Variants in CDH22 observed in about 807,000 individuals in gnomAD.
CDH22 encodes cadherin-22.
In CDH22, 30 loss-of-function variants were observed where a neutral mutation model predicts 58.4. The observed-to-expected ratio is 0.51, with a 90% confidence interval of 0.38 to 0.70. The LOEUF is 0.70. Among genes scored for constraint, CDH22 ranks in the 30% least tolerant of loss-of-function variants. CDH22 has a pLI of 0.00. For synonymous variants in CDH22, 513 were observed against 558.2 expected, an observed-to-expected ratio of 0.92 and a Z score of 1.14; for missense variants, 1,014 against 1,233.9, an observed-to-expected ratio of 0.82 and a Z score of 2.67.
intron 4 of CDH22, among the ~76,000 whole-genome samples, chr20:46,222,049 G>A (rs2086130503): frequency 6.6e-6 from 1 of 152,216 alleles, no homozygotes; most frequent in South Asian, 2.1e-4. Context: ...CCATGGGCAA[G>A]TTCCTGGGCC....
chr20:46,261,030 G>A (rs1339979475), intron 1 of CDH22, among the ~76,000 whole-genome samples: 1 of 152,126 alleles, frequency 6.6e-6, no homozygotes. Context: ...GGGGACCTAA[G>A]ACCATGAGAT....
chr20:46,211,686 T>C (rs1485056937), intron 6 of CDH22, among the ~76,000 whole-genome samples: 1 of 152,198 alleles, frequency 6.6e-6, no homozygotes, highest in Non-Finnish European at 1.5e-5. Context: ...AGCCTGATTC[T>C]GCTGCTCTGT....
chr20:46,216,839 G>T lies in CDH22; in HGVS notation c.825C>A (p.Pro275=), dbSNP rs751959255. ...IVVTDVNDNP[P]RFPQKMYQFS... ...GGCCTCACTCACTCTGCGGGAAACG[G>T]GGCGGGTTGTCATTGACGTCGGTGA... is the stretch of plus-strand genomic sequence containing the variant. The change falls in exon 5 of 12, where the codon CCC becomes CCA. Residue 275 remains proline, a synonymous_variant. Coordinates refer to ENST00000537909, the MANE Select transcript of CDH22 (RefSeq NM_021248.3). This position sits in a 1 kb window ranked among gnomAD's most constrained non-coding sequence, Gnocchi z 5.3. 5.6e-6 allele frequency: 9 copies of T among 1,599,198 alleles called. No individual in the cohort carries two copies. In the East Asian group the frequency reaches 1.8e-4, roughly 32 times the overall value.
chr20:46,273,634 C>T (rs576191493), intron 1 of CDH22, among the ~76,000 whole-genome samples: 6 of 152,244 alleles, frequency 3.9e-5, no homozygotes, highest in Middle Eastern at 3.4e-3. Flanking sequence ...GTGAGCTGTC[C>T]GGAGAGGCAG....
chr20:46,174,433 G>A lies in CDH22; in HGVS notation c.*73C>T, dbSNP rs2085719216. 8 of 1,081,614 alleles carry A rather than the reference G, an allele frequency of 7.4e-6. No individual in the cohort carries two copies. The South Asian group carries it at 8.9e-5, about 12-fold the overall frequency. The allele number at this position is 1,081,614 out of a possible 1,614,324, so 67.0% of individuals were successfully genotyped here. ...AGGGCAGGAAAGGGGGTCCGCGGGG[G>A]AAACGCGTTGTCCTGGGGCCCCGGC... On this transcript the variant is annotated 3_prime_UTR_variant, in exon 12 of 12. Coordinates refer to ENST00000537909, the MANE Select transcript of CDH22 (RefSeq NM_021248.3). The surrounding 1 kb of genome is among the most constrained non-coding windows in gnomAD (Gnocchi z 4.4).
intron 1 of CDH22, among the ~76,000 whole-genome samples, chr20:46,273,052 G>C (rs941524331): frequency 6.6e-6 from 1 of 152,134 alleles, no homozygotes; most frequent in African/African-American, 2.4e-5. Context: ...TTTAAGGCTG[G>C]GTCATCTCTG....
intron 1 of CDH22, among the ~76,000 whole-genome samples, chr20:46,285,726 G>A (rs1047550599): frequency 6.6e-6 from 1 of 152,182 alleles, no homozygotes; most frequent in South Asian, 2.1e-4. Flanking sequence ...GGACCTCTGA[G>A]GCAAGATTCA....
At chr20:46,194,340 C>T (rs1401758913) in intron 8 of CDH22, among the ~76,000 whole-genome samples, 1 of 152,228 alleles carries the variant, frequency 6.6e-6, no homozygotes, top group East Asian at 1.9e-4. Flanking sequence ...GCACTCTCTG[C>T]TGCTCAGACC....
intron 1 of CDH22, among the ~76,000 whole-genome samples, chr20:46,305,274 G>C (rs1321112836): frequency 6.6e-6 from 1 of 152,210 alleles, no homozygotes; most frequent in East Asian, 1.9e-4. Flanking sequence ...GAAATATCTA[G>C]GCTTTCTCTA....
intron 8 of CDH22, among the ~76,000 whole-genome samples, chr20:46,190,882 C>A (rs1044725243): frequency 6.6e-6 from 1 of 151,998 alleles, no homozygotes; most frequent in African/African-American, 2.4e-5. Context: ...AGACCAAACT[C>A]GGGGCAGGAG....
At chr20:46,227,431 G>T in intron 4 of CDH22, 77 bp downstream of exon 4, 1 of 1,353,410 alleles carries the variant, frequency 7.4e-7, no homozygotes, top group Non-Finnish European at 1.0e-6. Context: ...CAGAGCAGAC[G>T]TCTGGGGTGG....
At chr20:46,211,369 A>G (rs2086042314) in intron 6 of CDH22, among the ~76,000 whole-genome samples, 1 of 152,126 alleles carries the variant, frequency 6.6e-6, no homozygotes. Context: ...GGGTCCCCCC[A>G]TTGCTCTCAG....
rs1295390075 is a variant in CDH22 at position 46,216,962 on chromosome 20, G to A, written c.702C>T (p.Asp234=). The A allele has an allele frequency of 1.2e-6, 2 of 1,603,462 alleles. No individual in the cohort carries two copies. The highest frequency in any genetic ancestry group is 1.7e-6 in the Non-Finnish European group (2 of 1,172,102). ...CCTCGTAGCGCTCCTGGCTCTCGCGGTCAAGGTCAGGCACAGCCGTCCGGA... is the reference window on the plus strand; with the variant it reads ...CCTCGTAGCGCTCCTGGCTCTCGCGATCAAGGTCAGGCACAGCCGTCCGGA... ...GVIRTAVPDL[D]RESQERYEVV... The change falls in exon 5 of 12, where the codon GAC becomes GAT. Residue 234 remains aspartate, a synonymous_variant. Coordinates refer to ENST00000537909, the MANE Select transcript of CDH22 (RefSeq NM_021248.3). This position sits in a 1 kb window ranked among gnomAD's most constrained non-coding sequence, Gnocchi z 5.3.
At chr20:46,268,385 C>T (rs970076096) in intron 1 of CDH22, among the ~76,000 whole-genome samples, 1 of 152,250 alleles carries the variant, frequency 6.6e-6, no homozygotes, top group Non-Finnish European at 1.5e-5. Flanking sequence ...CCCGCAGCTC[C>T]CCGAGGTCCC....
chr20:46,290,146 A>G (rs1042558187), intron 1 of CDH22, among the ~76,000 whole-genome samples: 4 of 152,242 alleles, frequency 2.6e-5, no homozygotes, highest in African/African-American at 9.6e-5. Flanking sequence ...AAAACTGTAC[A>G]AAGTTGAAGG....
chr20:46,280,374 C>T (rs899836178), intron 1 of CDH22, among the ~76,000 whole-genome samples: 3 of 152,076 alleles, frequency 2.0e-5, no homozygotes, highest in Non-Finnish European at 2.9e-5. Flanking sequence ...GAGCTGAGAT[C>T]GCGCCACCGC....
At chr20:46,193,713 C>T (rs1329633608) in intron 8 of CDH22, among the ~76,000 whole-genome samples, 1 of 152,168 alleles carries the variant, frequency 6.6e-6, no homozygotes, top group African/African-American at 2.4e-5. Flanking sequence ...CCTCTCTGTT[C>T]TCAGAATGGC....
At chr20:46,262,627 T>C (rs1319035650) in intron 1 of CDH22, among the ~76,000 whole-genome samples, 1 of 152,194 alleles carries the variant, frequency 6.6e-6, no homozygotes, top group African/African-American at 2.4e-5. Context: ...AATACTGTTA[T>C]TTGCCTCCAT....
chr20:46,240,209 G>C (rs926034399), intron 3 of CDH22, among the ~76,000 whole-genome samples: 1 of 152,038 alleles, frequency 6.6e-6, no homozygotes, highest in African/African-American at 2.4e-5. Flanking sequence ...TGCACACCAG[G>C]GGAGCTGGAC....
Sources: allele counts gnomAD v4.1 joint callset (sites outside exome capture counted in the v4.1 genomes callset), GRCh38; gene constraint gnomAD v4.1.1; non-coding constraint Gnocchi (gnomAD v3.1); transcripts MANE v1.5; gene names NCBI Gene and HGNC (gene_info 2026-07-23, HGNC 2026-07-21).